Variants in PPM1L observed in about 807,000 individuals in gnomAD.
PPM1L encodes protein phosphatase 1L.
In PPM1L, 13 loss-of-function variants were observed where a neutral mutation model predicts 31.4. The observed-to-expected ratio is 0.41, with a 90% CI of 0.27 to 0.66. The LOEUF (loss-of-function observed/expected upper bound fraction) is 0.66, where lower values mean the gene tolerates loss of function less well. Among genes scored for constraint, PPM1L ranks in the 30% least tolerant of loss-of-function variants. The pLI, the probability that PPM1L is intolerant of heterozygous loss-of-function variation, is 0.29. For synonymous variants in PPM1L, 184 were observed against 175.4 expected, an observed-to-expected ratio of 1.05 and a Z score of -0.39; for missense variants, 326 against 453.7, an observed-to-expected ratio of 0.72 and a Z score of 2.56.
chr3:161,005,051 CA>C, intron 2 of PPM1L, among the ~76,000 whole-genome samples: 1 of 152,020 alleles, frequency 6.6e-6, no homozygotes, highest in East Asian at 1.9e-4. Flanking sequence ...TCTTTGTTCT[CA>C]TTGATTTCAA....
intron 1 of PPM1L, among the ~76,000 whole-genome samples, chr3:160,852,344 G>T (rs1218107878): frequency 6.6e-6 from 1 of 152,082 alleles, no homozygotes; most frequent in East Asian, 1.9e-4. Flanking sequence ...CACTCCAAAA[G>T]CAATTAAGGA....
chr3:160,944,603 G>A (rs1715261876), intron 1 of PPM1L, among the ~76,000 whole-genome samples: 1 of 147,712 alleles, frequency 6.8e-6, no homozygotes, highest in Admixed American at 7.1e-5. Context: ...CTATTTCAAG[G>A]TGAGGACGAT....
At chr3:160,951,383 T>C (rs757114848) in intron 1 of PPM1L, among the ~76,000 whole-genome samples, 23 of 152,338 alleles carry the variant, frequency 1.5e-4, no homozygotes, top group Middle Eastern at 3.4e-3. Context: ...TTTGTTAGAC[T>C]GTAAAGCAGA....
chr3:160,916,955 C>G (rs1714207143), intron 1 of PPM1L, among the ~76,000 whole-genome samples: 1 of 152,198 alleles, frequency 6.6e-6, no homozygotes, highest in Non-Finnish European at 1.5e-5. Flanking sequence ...TATATAAACA[C>G]TTGCTCATCA....
At chr3:160,966,472 C>T (rs776306637) in intron 2 of PPM1L, among the ~76,000 whole-genome samples, 4 of 152,120 alleles carry the variant, frequency 2.6e-5, no homozygotes, top group Non-Finnish European at 4.4e-5. Flanking sequence ...TACATAAGCA[C>T]TTCCTTATTT....
At chr3:160,811,241 T>C (rs1438310541) in intron 1 of PPM1L, among the ~76,000 whole-genome samples, 1 of 152,240 alleles carries the variant, frequency 6.6e-6, no homozygotes, top group Non-Finnish European at 1.5e-5. Flanking sequence ...CTAGACTGAA[T>C]ACTGATTCTC....
At chr3:160,976,771 C>T (rs866489330) in intron 2 of PPM1L, among the ~76,000 whole-genome samples, 10 of 151,706 alleles carry the variant, frequency 6.6e-5, no homozygotes, top group South Asian at 4.2e-4. Flanking sequence ...CTCTTTTTTT[C>T]TTTATTAGTC....
At position 161,006,638 on chromosome 3, in the gene PPM1L, G is replaced by A. The variant is rs1717715448; in HGVS notation, c.574+44728G>A. ...TTTTCCCTTTACTCTGGTGTTTAAAGCTTTTATGCCATCAAACACTTCAGA... is the reference window on the plus strand; with the variant it reads ...TTTTCCCTTTACTCTGGTGTTTAAAACTTTTATGCCATCAAACACTTCAGA... On this transcript the variant is annotated intron_variant, in intron 2 of 3. Transcript: ENST00000498165. Among the ~76,000 whole-genome samples the A allele has an allele frequency of 2.0e-5, 3 of 148,942 alleles. No homozygotes were observed. The South Asian group carries it at 6.3e-4, about 32-fold the overall frequency.
At chr3:160,847,056 A>T (rs1043265563) in intron 1 of PPM1L, among the ~76,000 whole-genome samples, 1 of 152,138 alleles carries the variant, frequency 6.6e-6, no homozygotes, top group African/African-American at 2.4e-5. Flanking sequence ...ATAAATCCAG[A>T]ACTCTGAATC....
In PPM1L at chr3:160,984,904, G is replaced by A. The variant is rs577865672; in HGVS notation, c.574+22994G>A. ...TTTTTAGTTGTCACAGCTTAGAAAG[G>A]GGAATGGGAGGGAGGGCTGGTGGTG... On this transcript the variant is annotated intron_variant, in intron 2 of 3. Transcript: ENST00000498165. Among the ~76,000 whole-genome samples, 50 of 152,268 alleles carry A rather than the reference G, an allele frequency of 3.3e-4. No individual in the cohort carries two copies. In the South Asian group the frequency reaches 0.01, roughly 32 times the overall value.
At chr3:160,884,033 G>A (rs1712824528) in intron 1 of PPM1L, among the ~76,000 whole-genome samples, 1 of 151,914 alleles carries the variant, frequency 6.6e-6, no homozygotes, top group African/African-American at 2.4e-5. Flanking sequence ...TTGAGCCACT[G>A]CACTCCAGCC....
chr3:161,067,797 G>A (rs1347536976), intron 3 of PPM1L, among the ~76,000 whole-genome samples: 2 of 152,088 alleles, frequency 1.3e-5, no homozygotes, highest in African/African-American at 4.8e-5. Flanking sequence ...GCCCATAGAT[G>A]TTTCACCCAT....
intron 2 of PPM1L, among the ~76,000 whole-genome samples, chr3:161,054,439 G>A (rs147913667): frequency 6.6e-6 from 1 of 152,112 alleles, no homozygotes; most frequent in East Asian, 1.9e-4. Context: ...CCATATGGTT[G>A]TGTATGTTTG....
chr3:161,017,736 T>G (rs1364940706), intron 2 of PPM1L, among the ~76,000 whole-genome samples: 2 of 152,194 alleles, frequency 1.3e-5, no homozygotes, highest in African/African-American at 4.8e-5. Flanking sequence ...TAAATCTATT[T>G]GACAGACCTG....
At chr3:160,968,189 T>C (rs1716217089) in intron 2 of PPM1L, among the ~76,000 whole-genome samples, 2 of 152,194 alleles carry the variant, frequency 1.3e-5, no homozygotes, top group African/African-American at 2.4e-5. Context: ...TAAGCTATCA[T>C]TCATGGATCC....
In PPM1L at chr3:160,941,318, G is replaced by T. The variant is rs761406277; in HGVS notation, c.400-20418G>T. ...CTTTGGAGGACTGTTGGGAAGGCAT[G>T]TTTGGTTTTGAAATGTGAGGACATG... is the stretch of plus-strand genomic sequence containing the variant. On this transcript the variant is annotated intron_variant, in intron 1 of 3. Coordinates refer to ENST00000498165, the MANE Select transcript of PPM1L (RefSeq NM_139245.4). 2.1e-3 allele frequency among the ~76,000 whole-genome samples: 317 copies of T among 152,252 alleles called. 5 individuals are homozygous for T. The highest frequency in any genetic ancestry group is 2.0e-3 in the Non-Finnish European group (135 of 68,006).
At chr3:160,766,493 T>A (rs994221729) in intron 1 of PPM1L, among the ~76,000 whole-genome samples, 2 of 152,142 alleles carry the variant, frequency 1.3e-5, no homozygotes, top group Non-Finnish European at 2.9e-5. Flanking sequence ...TATAAGGGGC[T>A]TTTCCCCTCT....
chr3:160,887,704 C>G (rs1712966695), intron 1 of PPM1L, among the ~76,000 whole-genome samples: 1 of 151,864 alleles, frequency 6.6e-6, no homozygotes, highest in Admixed American at 6.6e-5. Flanking sequence ...CCTCAGCCTC[C>G]CTAGTAGCTG....
intron 2 of PPM1L, among the ~76,000 whole-genome samples, chr3:161,029,164 A>T (rs57655051): frequency 0.025 from 3,816 of 152,290 alleles, 83 homozygotes; most frequent in South Asian, 0.044. Context: ...TTGAAGTCTC[A>T]CACATAAGGA....
Sources: allele counts gnomAD v4.1 joint callset (sites outside exome capture counted in the v4.1 genomes callset), GRCh38; gene constraint gnomAD v4.1.1; transcripts MANE v1.5; gene names NCBI Gene and HGNC (gene_info 2026-07-23, HGNC 2026-07-21).